NOTCH2: variants seen among roughly 807,000 people sequenced by gnomAD.
NOTCH2 encodes neurogenic locus notch homolog protein 2.
NOTCH2 carries 29 observed loss-of-function variants against 235.8 expected under a neutral mutation model. That is an observed-to-expected ratio of 0.12 (90% confidence interval 0.09 to 0.17). The LOEUF is 0.17. Ranked by LOEUF, NOTCH2 falls within the 10% of genes least tolerant of loss-of-function variation. The probability of loss-of-function intolerance (pLI) is 1.00; values close to 1 mark genes in which losing one functional copy is unlikely to be tolerated. For synonymous variants in NOTCH2, 1,086 were observed against 1,141.5 expected (o/e 0.95, Z 0.98); for missense variants, 2,285 against 3,150.2 (o/e 0.73, Z 6.57).
intron 2 of NOTCH2, among the ~76,000 whole-genome samples, chr1:120,024,956 C>T (rs1653784450): frequency 6.6e-6 from 1 of 151,010 alleles, no homozygotes; most frequent in African/African-American, 2.4e-5. Context: ...GGGATATAAG[C>T]CTCAGAAAAA....
chr1:119,970,922 G>T (rs1183292354), intron 5 of NOTCH2, among the ~76,000 whole-genome samples: 3 of 152,082 alleles, frequency 2.0e-5, no homozygotes, highest in African/African-American at 7.2e-5. Flanking sequence ...ATTTTAAAAG[G>T]CACTCTGATA....
chr1:120,017,265 T>C (rs327206), intron 2 of NOTCH2, among the ~76,000 whole-genome samples: 20,939 of 138,780 alleles, frequency 0.15, 1,835 homozygotes, highest in African/African-American at 0.29. Context: ...CTGTACACGC[T>C]GTTCAGTCAG....
At chr1:119,937,825 G>C in intron 20 of NOTCH2, 32 bp downstream of exon 20, 3 of 1,613,076 alleles carry the variant, frequency 1.9e-6, no homozygotes, top group Non-Finnish European at 2.5e-6. Flanking sequence ...ATACTGCAGT[G>C]AATGACCTGA....
rs1391923084 is a variant in NOTCH2, at chr1:119,999,775, G to A, written c.416-2443C>T. ...CGCATGCCTGTAATCCCAGCTACCT[G>A]GGAGGCTGAGGCACAAGAATCACTC... On this transcript the variant is annotated intron_variant, in intron 3 of 33. Transcript: ENST00000256646. 3.3e-5 allele frequency among the ~76,000 whole-genome samples: 5 copies of A among 151,998 alleles called. No homozygotes were observed. In the East Asian group the frequency reaches 9.6e-4, roughly 29 times the overall value.
intron 4 of NOTCH2, chr1:119,995,428 C>T (rs1481406108): frequency 6.6e-6 from 1 of 151,934 alleles, no homozygotes; most frequent in African/African-American, 2.4e-5. Flanking sequence ...CAATAAATCA[C>T]ACTAACATCA....
chr1:119,942,014 T>C (rs1275013002), intron 17 of NOTCH2, among the ~76,000 whole-genome samples: 4 of 152,248 alleles, frequency 2.6e-5, no homozygotes, highest in East Asian at 3.8e-4. Context: ...AAAACTTGCA[T>C]TGGTCCCTCA....
At chr1:119,967,975 T>C in intron 7 of NOTCH2, 102 bp downstream of exon 7, 1 of 1,295,984 alleles carries the variant, frequency 7.7e-7, no homozygotes, top group South Asian at 1.2e-5. Context: ...ATCTGAGGTT[T>C]GGGTGTATGT....
intron 22 of NOTCH2, 34 bp downstream of exon 22, chr1:119,935,438 C>T: frequency 6.2e-7 from 1 of 1,613,956 alleles, no homozygotes; most frequent in Non-Finnish European, 8.5e-7. Context: ...AAGACAATGC[C>T]CTGGATGGAA....
Position 119,961,787 on chromosome 1 carries a change from G to C in NOTCH2, c.1915+1787C>G, listed in dbSNP as rs587679969. 9.8e-5 allele frequency among the ~76,000 whole-genome samples: 15 copies of C among 152,304 alleles called. No homozygotes were observed. The South Asian group carries it at 2.9e-3, about 29-fold the overall frequency. On this transcript the variant is annotated intron_variant, in intron 11 of 33. Transcript: ENST00000256646. The stretch of plus-strand genomic sequence containing the variant: ...ATATCTCACTTTAAGTACCCAGTGA[G>C]TGACTACCACAATTTTAGCTGACAA...
chr1:120,023,437 A>C (rs1471427722), intron 2 of NOTCH2, among the ~76,000 whole-genome samples: 6 of 141,922 alleles, frequency 4.2e-5, no homozygotes, highest in Admixed American at 7.1e-5. Flanking sequence ...ACTCTGTCTC[A>C]AAAAAAAACA....
intron 33 of NOTCH2, among the ~76,000 whole-genome samples, chr1:119,917,206 G>T (rs184334776): frequency 6.6e-6 from 1 of 151,882 alleles, no homozygotes; most frequent in Admixed American, 6.6e-5. Flanking sequence ...AAAGGACTAA[G>T]ATAAGGAAAA....
chr1:120,069,456 C>T lies in NOTCH2; in HGVS notation c.-50G>A, dbSNP rs1655677040. 1 of 1,518,874 alleles carries T rather than the reference C, an allele frequency of 6.6e-7. No individual in the cohort carries two copies. Among genetic ancestry groups the T allele is most frequent in the East Asian group, 2.5e-5 (1 of 40,120 alleles). The allele number at this position is 1,518,874 out of a possible 1,614,324, so 94.1% of individuals were successfully genotyped here. On this transcript the variant is annotated 5_prime_UTR_variant, in exon 1 of 34. An upstream open reading frame in the 5' UTR gains an earlier in-frame stop. Coordinates refer to ENST00000256646, the MANE Select transcript of NOTCH2 (RefSeq NM_024408.4). ...CGCCGCCGCCGCCGCCTGGGCAGAT[C>T]CACATGGGGAGGGGGTCCCGATAGA...
intron 1 of NOTCH2, among the ~76,000 whole-genome samples, chr1:120,043,583 T>A (rs1570779506): frequency 6.6e-6 from 1 of 152,332 alleles, no homozygotes; most frequent in South Asian, 2.1e-4. Flanking sequence ...CTCAGGTGGG[T>A]AACCACCCAC....
At chr1:119,956,145 G>A (rs1433743526) in intron 12 of NOTCH2, among the ~76,000 whole-genome samples, 4 of 152,156 alleles carry the variant, frequency 2.6e-5, no homozygotes, top group East Asian at 3.8e-4. Context: ...AAAGATGTCT[G>A]CTATAACCTT....
At chr1:120,045,664 C>A (rs587754178) in intron 1 of NOTCH2, among the ~76,000 whole-genome samples, 15 of 152,248 alleles carry the variant, frequency 9.9e-5, no homozygotes, top group Admixed American at 9.2e-4. Flanking sequence ...AGAGATACAA[C>A]CTAATTCACA....
At chr1:119,948,860 A>C in intron 16 of NOTCH2, 147 bp downstream of exon 16, 1 of 1,129,118 alleles carries the variant, frequency 8.9e-7, no homozygotes, top group South Asian at 1.2e-5. Context: ...CATTTCAAGT[A>C]GCAGCTCCTT....
intron 26 of NOTCH2, 80 bp downstream of exon 26, chr1:119,923,557 G>A (rs2101158456): frequency 8.2e-7 from 1 of 1,220,850 alleles, no homozygotes; most frequent in Non-Finnish European, 1.2e-6. Context: ...ATTTCTATAG[G>A]TTGAGTTATG....
intron 2 of NOTCH2, among the ~76,000 whole-genome samples, chr1:120,023,117 A>C (rs1209331838): frequency 6.6e-6 from 1 of 151,982 alleles, no homozygotes; most frequent in Non-Finnish European, 1.5e-5. Flanking sequence ...ATCAGGACTC[A>C]AACTTAAGTC....
intron 5 of NOTCH2, among the ~76,000 whole-genome samples, chr1:119,973,868 T>C (rs1274650857): frequency 1.3e-5 from 2 of 152,110 alleles, no homozygotes; most frequent in African/African-American, 4.8e-5. Flanking sequence ...CATATTAAAA[T>C]AACTGCAGTG....
Sources: gnomAD v4.1 joint callset for allele counts (sites outside exome capture counted in the v4.1 genomes callset) on GRCh38, gnomAD v4.1.1 for gene constraint, MANE v1.5 for transcripts, NCBI Gene and HGNC (gene_info 2026-07-23, HGNC 2026-07-21) for gene names.